ARHGEF28: variants seen among roughly 807,000 people sequenced by gnomAD.
ARHGEF28 encodes the protein 190 kDa guanine nucleotide exchange factor.
In ARHGEF28, 152 loss-of-function variants were observed where a neutral mutation model predicts 206.6. The ratio of observed to expected loss-of-function variants is 0.74; its 90% CI spans 0.64 to 0.84. The LOEUF is 0.84. Ranked by LOEUF, ARHGEF28 falls within the 40% of genes least tolerant of loss-of-function variation. ARHGEF28 has a pLI of 0.00. For missense variants in ARHGEF28, 2,028 were observed against 2,073.2 expected (o/e 0.98, Z 0.42); for synonymous variants, 763 against 776.4 (o/e 0.98, Z 0.29).
chr5:73,680,434 CAAAAAAAAAAAAAAAA>C (rs71615795), intron 1 of ARHGEF28, among the ~76,000 whole-genome samples: 4 of 30,514 alleles, frequency 1.3e-4, no homozygotes, highest in African/African-American at 4.7e-4. Flanking sequence ...GACTCCATCT[CAAAAAAAAAAAAAAAA>C]AAAAAAAAAA....
At chr5:73,632,770 A>G (rs888895044) in intron 1 of ARHGEF28, among the ~76,000 whole-genome samples, 4 of 152,178 alleles carry the variant, frequency 2.6e-5, no homozygotes, top group African/African-American at 9.7e-5. Flanking sequence ...TTTTTAAAGT[A>G]TAGTTCTTCC....
In ARHGEF28 at chr5:73,765,404, G is replaced by A. The variant is rs149404860; in HGVS notation, c.476-8451G>A. Among the ~76,000 whole-genome samples, 37 of 152,288 alleles carry A rather than the reference G, an allele frequency of 2.4e-4. No homozygotes were observed. The East Asian group carries it at 6.2e-3, about 25-fold the overall frequency. On this transcript the variant is annotated intron_variant, in intron 4 of 35. Transcript: ENST00000513042. ...TACTCTTGTGATGCTGGACAGTAACGGTGAGCCACGGCTCCCAGTCAGCCA... is the reference window on the plus strand; with the variant it reads ...TACTCTTGTGATGCTGGACAGTAACAGTGAGCCACGGCTCCCAGTCAGCCA...
At chr5:73,763,766 T>C (rs1752739961) in intron 4 of ARHGEF28, among the ~76,000 whole-genome samples, 1 of 152,046 alleles carries the variant, frequency 6.6e-6, no homozygotes, top group Admixed American at 6.6e-5. Context: ...CGATAAAGGC[T>C]GGAAAGGAGG....
At chr5:73,921,667 T>G (rs952442040) in intron 35 of ARHGEF28, among the ~76,000 whole-genome samples, 7 of 152,210 alleles carry the variant, frequency 4.6e-5, no homozygotes, top group Non-Finnish European at 1.0e-4. Flanking sequence ...TTGTACAAGT[T>G]TTATTACACT....
intron 9 of ARHGEF28, among the ~76,000 whole-genome samples, chr5:73,830,971 C>A (rs1757261453): frequency 6.6e-6 from 1 of 152,094 alleles, no homozygotes; most frequent in African/African-American, 2.4e-5. Context: ...GTGAGGATGG[C>A]ATTTACTATA....
intron 2 of ARHGEF28, among the ~76,000 whole-genome samples, chr5:73,713,980 C>A (rs922081005): frequency 1.3e-5 from 2 of 152,126 alleles, no homozygotes; most frequent in African/African-American, 4.8e-5. Flanking sequence ...AAGAAAGAGG[C>A]TAAACATATC....
At chr5:73,740,314 T>C (rs1440436588) in intron 2 of ARHGEF28, among the ~76,000 whole-genome samples, 3 of 152,206 alleles carry the variant, frequency 2.0e-5, no homozygotes, top group Non-Finnish European at 4.4e-5. Flanking sequence ...CCAGATATTA[T>C]AGATTCTAGA....
At chr5:73,737,725 C>G (rs1305437536) in intron 2 of ARHGEF28, among the ~76,000 whole-genome samples, 2 of 151,926 alleles carry the variant, frequency 1.3e-5, no homozygotes, top group African/African-American at 4.8e-5. Flanking sequence ...CCATATTGGC[C>G]AGGCTGGTCT....
chr5:73,721,713 C>T (rs1561356915), intron 2 of ARHGEF28, among the ~76,000 whole-genome samples: 1 of 152,164 alleles, frequency 6.6e-6, no homozygotes, highest in Non-Finnish European at 1.5e-5. Context: ...GCTGGAATTA[C>T]AGGTATGAGC....
intron 26 of ARHGEF28, among the ~76,000 whole-genome samples, chr5:73,891,057 T>A (rs968555709): frequency 6.6e-6 from 1 of 152,222 alleles, no homozygotes; most frequent in Non-Finnish European, 1.5e-5. Flanking sequence ...GGTGGACTTA[T>A]GTGAAACTAG....
intron 35 of ARHGEF28, among the ~76,000 whole-genome samples, chr5:73,916,504 C>A (rs889047635): frequency 6.6e-6 from 1 of 152,202 alleles, no homozygotes; most frequent in Non-Finnish European, 1.5e-5. Context: ...AGGCCTCTCT[C>A]CTTGACTTGC....
chr5:73,885,796 T>G, intron 24 of ARHGEF28, 54 bp from the exon 25 acceptor site: 2 of 1,519,098 alleles, frequency 1.3e-6, no homozygotes, highest in Non-Finnish European at 1.8e-6. Context: ...TCTTCCTTAG[T>G]ACTCTGGTTT....
At chr5:73,722,374 C>T (rs1393420099) in intron 2 of ARHGEF28, among the ~76,000 whole-genome samples, 1 of 152,202 alleles carries the variant, frequency 6.6e-6, no homozygotes, top group African/African-American at 2.4e-5. Flanking sequence ...TCCAAAGCTG[C>T]ACAGCTATTT....
intron 1 of ARHGEF28, among the ~76,000 whole-genome samples, chr5:73,676,159 C>G (rs1746670523): frequency 6.7e-6 from 1 of 148,526 alleles, no homozygotes; most frequent in Non-Finnish European, 1.5e-5. Flanking sequence ...CAATCTCCTT[C>G]TCCTGGGTTC....
At chr5:73,881,490 T>G (rs1193107909) in intron 22 of ARHGEF28, among the ~76,000 whole-genome samples, 3 of 152,254 alleles carry the variant, frequency 2.0e-5, no homozygotes, top group Admixed American at 6.5e-5. Flanking sequence ...TAGTTTTTAC[T>G]ATGAGTCATA....
At chr5:73,650,277 CTTTTTTTTT>C (rs138217794) in intron 1 of ARHGEF28, among the ~76,000 whole-genome samples, 2 of 94,030 alleles carry the variant, frequency 2.1e-5, no homozygotes, top group South Asian at 3.7e-4. Flanking sequence ...TTCTTTCTTT[CTTTTTTTTT>C]TTTTTTTTTT....
At chr5:73,814,155 A>T (rs1209168360) in intron 9 of ARHGEF28, among the ~76,000 whole-genome samples, 1 of 152,172 alleles carries the variant, frequency 6.6e-6, no homozygotes, top group African/African-American at 2.4e-5. Context: ...TCTATTTTAT[A>T]CTATTTTATT....
chr5:73,801,718 T>G (rs955777220), intron 9 of ARHGEF28, among the ~76,000 whole-genome samples: 2 of 152,138 alleles, frequency 1.3e-5, no homozygotes, highest in African/African-American at 4.8e-5. Context: ...AGTCCTTTCT[T>G]TTTTTCTTTT....
chr5:73,676,832 A>G (rs185669050), intron 1 of ARHGEF28, among the ~76,000 whole-genome samples: 36 of 152,294 alleles, frequency 2.4e-4, no homozygotes, highest in South Asian at 1.7e-3. Context: ...TATTTTTCCC[A>G]GTAGTTTTCC....
Sources: allele counts gnomAD v4.1 joint callset (sites outside exome capture counted in the v4.1 genomes callset), GRCh38; gene constraint gnomAD v4.1.1; transcripts MANE v1.5; gene names NCBI Gene and HGNC (gene_info 2026-07-23, HGNC 2026-07-21).